The following ST8SIA1 variants were observed in gnomAD, a reference collection of about 807,000 sequenced individuals.
ST8SIA1 encodes alpha-N-acetylneuraminide alpha-2,8-sialyltransferase.
A neutral mutation model predicts 35.9 loss-of-function variants in ST8SIA1; 16 were observed. The observed-to-expected ratio is 0.45, with a 90% CI of 0.30 to 0.68. ST8SIA1 has a LOEUF of 0.68. Ranked by LOEUF, ST8SIA1 falls within the 30% of genes least tolerant of loss-of-function variation. The pLI, the probability that ST8SIA1 is intolerant of heterozygous loss-of-function variation, is 0.09. For missense variants in ST8SIA1, 383 were observed against 453.6 expected, an observed-to-expected ratio of 0.84 and a Z score of 1.41; for synonymous variants, 170 against 169.6, an observed-to-expected ratio of 1.00 and a Z score of -0.02.
chr12:22,325,961 G>A (rs1866673325), intron 1 of ST8SIA1: 1 of 673,598 alleles, frequency 1.5e-6, no homozygotes, highest in Non-Finnish European at 2.7e-6. Flanking sequence ...CGCATCCCAG[G>A]CAAGACATAG....
chr12:22,288,570 C>T (rs1279785481), intron 1 of ST8SIA1, among the ~76,000 whole-genome samples: 4 of 152,124 alleles, frequency 2.6e-5, no homozygotes, highest in African/African-American at 4.8e-5. Context: ...CCTCAGCCTG[C>T]GGGGGAGGTG....
intron 4 of ST8SIA1, among the ~76,000 whole-genome samples, chr12:22,244,304 G>A (rs1285500426): frequency 6.6e-6 from 1 of 151,890 alleles, no homozygotes; most frequent in African/African-American, 2.4e-5. Context: ...CACCAGCCTG[G>A]CCAAGAAAAA....
intron 4 of ST8SIA1, among the ~76,000 whole-genome samples, chr12:22,219,781 G>A (rs1865276891): frequency 6.6e-6 from 1 of 152,132 alleles, no homozygotes; most frequent in Non-Finnish European, 1.5e-5. Context: ...TACGTTAGGA[G>A]GCTGCTATAA....
chr12:22,292,116 T>C (rs943309669), intron 1 of ST8SIA1, among the ~76,000 whole-genome samples: 20 of 149,114 alleles, frequency 1.3e-4, no homozygotes, highest in Admixed American at 1.2e-3. Flanking sequence ...GACAATGAGA[T>C]TTTCAAGGAA....
intron 2 of ST8SIA1, among the ~76,000 whole-genome samples, chr12:22,260,580 T>C (rs1486822905): frequency 6.6e-6 from 1 of 152,184 alleles, no homozygotes; most frequent in Non-Finnish European, 1.5e-5. Flanking sequence ...ATATGAATCA[T>C]CTGGATTCAG....
intron 1 of ST8SIA1, among the ~76,000 whole-genome samples, chr12:22,332,819 A>C (rs1382720538): frequency 6.6e-6 from 1 of 152,194 alleles, no homozygotes; most frequent in African/African-American, 2.4e-5. Flanking sequence ...ATTTGTAAAT[A>C]ACTGCAGTGA....
intron 4 of ST8SIA1, among the ~76,000 whole-genome samples, chr12:22,241,782 C>T (rs1282434855): frequency 6.6e-6 from 1 of 151,968 alleles, no homozygotes; most frequent in African/African-American, 2.4e-5. Flanking sequence ...CTGTGAGCAA[C>T]TTCAGGGTTT....
At chr12:22,245,213 G>A (rs1232965389) in intron 4 of ST8SIA1, among the ~76,000 whole-genome samples, 1 of 152,178 alleles carries the variant, frequency 6.6e-6, no homozygotes, top group Non-Finnish European at 1.5e-5. Flanking sequence ...TCTGTAGATA[G>A]ATTTGGGTAG....
rs1450978726 is a variant in ST8SIA1 at position 22,249,218 on chromosome 12, TTG to T, written c.492-122_492-121del. ...AATTCACGAGTAACTGTTTTGTTTTTTGTTTTTTTTTTTTTTTTGAGATGGAG... is the reference window on the plus strand; with the variant it reads ...AATTCACGAGTAACTGTTTTGTTTTTTTTTTTTTTTTTTTTTGAGATGGAG... On this transcript the variant is annotated intron_variant, in intron 3 of 4. Transcript: ENST00000396037. 2.8e-3 allele frequency: 1,833 copies of T among 661,158 alleles called. 9 individuals are homozygous for T. Among genetic ancestry groups the T allele is most frequent in the African/African-American group, 0.011 (523 of 48,056 alleles). The allele number at this position is 661,158 out of a possible 1,614,324, so 41.0% of individuals were successfully genotyped here. A position where few individuals can be genotyped will look rare whatever the true frequency, so the allele number is the denominator to read the frequency against.
At position 22,200,402 on chromosome 12, in the gene ST8SIA1, G is replaced by C. The variant is rs1300152708; in HGVS notation, c.*1150C>G. 2.0e-5 allele frequency: 3 copies of C among 152,064 alleles called. No individual in the cohort carries two copies. Among genetic ancestry groups the C allele is most frequent in the Non-Finnish European group, 2.9e-5 (2 of 68,000 alleles). The allele number at this position is 152,064 out of a possible 1,614,324, so 9.4% of individuals were successfully genotyped here. ...ACAGTAATGAGCTTTGTTTAACTTTGTGTGTGTGTATGTGTGTCTACATGT... is the reference window on the plus strand; with the variant it reads ...ACAGTAATGAGCTTTGTTTAACTTTCTGTGTGTGTATGTGTGTCTACATGT... On this transcript the variant is annotated 3_prime_UTR_variant, in exon 5 of 5. Transcript: ENST00000396037.
intron 1 of ST8SIA1, chr12:22,325,970 A>G (rs776231785): frequency 1.5e-6 from 1 of 658,814 alleles, no homozygotes; most frequent in Non-Finnish European, 2.7e-6. Context: ...GGCAAGACAT[A>G]GTGGGACAAA....
chr12:22,270,484 G>A (rs957917290), intron 2 of ST8SIA1, among the ~76,000 whole-genome samples: 1 of 152,116 alleles, frequency 6.6e-6, no homozygotes, highest in African/African-American at 2.4e-5. Context: ...GTCACATTTT[G>A]CGGAATTGAG....
chr12:22,249,253 C>T (rs946681337), intron 3 of ST8SIA1, among the ~76,000 whole-genome samples, 155 bp from the exon 4 acceptor site: 1 of 140,654 alleles, frequency 7.1e-6, no homozygotes, highest in Non-Finnish European at 1.5e-5. Context: ...GAGTCTCGCT[C>T]TGTTGCCCAG....
At position 22,201,533 on chromosome 12, in the gene ST8SIA1, C is replaced by A. The variant is rs12581522; in HGVS notation, c.*19G>T. ...CTAACAAAAATACCCTGGTTCAGTCCTTTCTTCTTCCATTGTTCCTAGGAA... is the reference window on the plus strand; with the variant it reads ...CTAACAAAAATACCCTGGTTCAGTCATTTCTTCTTCCATTGTTCCTAGGAA... On this transcript the variant is annotated 3_prime_UTR_variant, in exon 5 of 5. Coordinates refer to ENST00000396037, the MANE Select transcript of ST8SIA1 (RefSeq NM_003034.4). 1 of 1,579,030 alleles carries A rather than the reference C, an allele frequency of 6.3e-7. No homozygotes were observed. Among genetic ancestry groups the A allele is most frequent in the Admixed American group, 1.8e-5 (1 of 55,462 alleles).
At chr12:22,285,877 C>CAAAAAAAAA (rs1398352110) in intron 2 of ST8SIA1, among the ~76,000 whole-genome samples, 1 of 103,630 alleles carries the variant, frequency 9.6e-6, no homozygotes. Context: ...CTGTCAAAAA[C>CAAAAAAAAA]AAAAAAAAAA....
intron 1 of ST8SIA1, among the ~76,000 whole-genome samples, chr12:22,302,661 G>T (rs185860196): frequency 3.4e-4 from 52 of 152,240 alleles, no homozygotes; most frequent in Non-Finnish European, 6.5e-4. Context: ...AGAAAAGGGG[G>T]AAAATGTCAA....
At chr12:22,224,356 C>A (rs1865332405) in intron 4 of ST8SIA1, among the ~76,000 whole-genome samples, 1 of 150,802 alleles carries the variant, frequency 6.6e-6, no homozygotes, top group Non-Finnish European at 1.5e-5. Context: ...TGCGCCCAGG[C>A]TGGAGTGCAA....
chr12:22,273,090 GATA>G (rs1865930735), intron 2 of ST8SIA1, among the ~76,000 whole-genome samples: 1 of 152,060 alleles, frequency 6.6e-6, no homozygotes, highest in Non-Finnish European at 1.5e-5. Flanking sequence ...GTTTCTTACC[GATA>G]ATGACAGGAG....
At chr12:22,316,718 G>A (rs750768477) in intron 1 of ST8SIA1, among the ~76,000 whole-genome samples, 1 of 152,030 alleles carries the variant, frequency 6.6e-6, no homozygotes, top group South Asian at 2.1e-4. Flanking sequence ...TGACAAAAAC[G>A]TCTACTACAT....
Sources: allele counts gnomAD v4.1 joint callset (sites outside exome capture counted in the v4.1 genomes callset), GRCh38; gene constraint gnomAD v4.1.1; transcripts MANE v1.5; gene names NCBI Gene and HGNC (gene_info 2026-07-23, HGNC 2026-07-21).